Variants in SLC16A12 observed in about 807,000 individuals in gnomAD.
SLC16A12 encodes the protein solute carrier family 16 member 12.
SLC16A12 carries 17 observed loss-of-function variants against 42.4 expected under a neutral mutation model. The observed-to-expected ratio is 0.40, with a 90% CI of 0.27 to 0.60. The LOEUF (loss-of-function observed/expected upper bound fraction) is 0.60, where lower values mean the gene tolerates loss of function less well. SLC16A12 is among the 20% of genes least tolerant of loss of function. The probability of loss-of-function intolerance (pLI) is 0.42; values close to 1 mark genes in which losing one functional copy is unlikely to be tolerated. For synonymous variants in SLC16A12, 224 were observed against 229.4 expected (o/e 0.98, Z 0.21); for missense variants, 544 against 623.0 (o/e 0.87, Z 1.35).
At chr10:89,491,309 T>C (rs1647446505) in intron 2 of SLC16A12, among the ~76,000 whole-genome samples, 1 of 152,060 alleles carries the variant, frequency 6.6e-6, no homozygotes, top group Admixed American at 6.6e-5. Flanking sequence ...GCAAAAGAGA[T>C]ATACTACATG....
At chr10:89,457,075 C>A (rs1015155853) in intron 3 of SLC16A12, among the ~76,000 whole-genome samples, 1 of 152,068 alleles carries the variant, frequency 6.6e-6, no homozygotes, top group Admixed American at 6.5e-5. Flanking sequence ...GGTATATACC[C>A]CGTAATGGGA....
intron 2 of SLC16A12, among the ~76,000 whole-genome samples, chr10:89,485,133 A>G (rs1053525803): frequency 1.3e-5 from 2 of 152,182 alleles, no homozygotes; most frequent in Non-Finnish European, 2.9e-5. Context: ...GTTGTCAACA[A>G]TGGCCAATTT....
intron 2 of SLC16A12, among the ~76,000 whole-genome samples, chr10:89,547,521 C>T (rs1021068987): frequency 6.6e-6 from 1 of 152,032 alleles, no homozygotes; most frequent in Non-Finnish European, 1.5e-5. Context: ...AGACATGGTT[C>T]CTGCCTTCAC....
chr10:89,451,437 GT>G (rs972774272), intron 3 of SLC16A12, among the ~76,000 whole-genome samples: 2 of 151,788 alleles, frequency 1.3e-5, no homozygotes, highest in African/African-American at 4.8e-5. Flanking sequence ...TTGAAACAGA[GT>G]TTTACTCCTG....
At chr10:89,509,626 C>T (rs1843130953) in intron 2 of SLC16A12, among the ~76,000 whole-genome samples, 1 of 152,156 alleles carries the variant, frequency 6.6e-6, no homozygotes, top group East Asian at 1.9e-4. Flanking sequence ...AAACCTACAG[C>T]CAATATCATA....
At chr10:89,442,212 T>C (rs1157852600) in intron 4 of SLC16A12, among the ~76,000 whole-genome samples, 2 of 152,228 alleles carry the variant, frequency 1.3e-5, no homozygotes, top group African/African-American at 4.8e-5. Context: ...ACAGAGCAGA[T>C]CTGTTCCCAG....
At chr10:89,439,206 G>A in intron 5 of SLC16A12, 23 bp from the exon 6 acceptor site, 2 of 1,602,620 alleles carry the variant, frequency 1.2e-6, no homozygotes, top group Non-Finnish European at 1.7e-6. Context: ...AGAACTCTAT[G>A]AGTGCTGAAG....
chr10:89,447,989 A>G (rs1217507680), intron 3 of SLC16A12, among the ~76,000 whole-genome samples: 1 of 152,010 alleles, frequency 6.6e-6, no homozygotes, highest in African/African-American at 2.4e-5. Context: ...AAACACCTCT[A>G]TGCAAATAAA....
At chr10:89,506,831 A>T (rs1280562415) in intron 2 of SLC16A12, among the ~76,000 whole-genome samples, 2 of 152,150 alleles carry the variant, frequency 1.3e-5, no homozygotes, top group African/African-American at 2.4e-5. Flanking sequence ...AACCTTGAAA[A>T]AAGGTTGGAC....
intron 3 of SLC16A12, among the ~76,000 whole-genome samples, chr10:89,447,677 C>G (rs1842026757): frequency 6.6e-6 from 1 of 152,098 alleles, no homozygotes; most frequent in South Asian, 2.1e-4. Flanking sequence ...AATCGACACC[C>G]TAACATCACA....
At chr10:89,481,664 T>TGAGA (rs1554829318) in intron 2 of SLC16A12, among the ~76,000 whole-genome samples, 2,273 of 139,536 alleles carry the variant, frequency 0.016, 36 homozygotes, top group African/African-American at 0.042. Flanking sequence ...TGTGTGTGTG[T>TGAGA]GAGAGAGAGA....
chr10:89,447,999 A>G (rs1842031317), intron 3 of SLC16A12, among the ~76,000 whole-genome samples: 2 of 151,570 alleles, frequency 1.3e-5, no homozygotes, highest in South Asian at 4.1e-4. Context: ...ATGCAAATAA[A>G]CTAGAAAATC....
intron 2 of SLC16A12, among the ~76,000 whole-genome samples, chr10:89,527,639 C>CAA (rs144252240): frequency 0.028 from 3,953 of 143,728 alleles, 184 homozygotes; most frequent in African/African-American, 0.094. Context: ...TCCATTTCTA[C>CAA]AAAAAAAAAA....
intron 2 of SLC16A12, among the ~76,000 whole-genome samples, chr10:89,511,301 T>A (rs1267105441): frequency 1.3e-5 from 2 of 152,206 alleles, no homozygotes; most frequent in Admixed American, 6.5e-5. Flanking sequence ...TGCAGCACTA[T>A]TCACAATAGC....
intron 2 of SLC16A12, among the ~76,000 whole-genome samples, chr10:89,493,268 G>C (rs566100989): frequency 6.7e-6 from 1 of 150,220 alleles, no homozygotes; most frequent in South Asian, 2.1e-4. Flanking sequence ...TGTTGCCCAG[G>C]CTGGAGTGCA....
At chr10:89,510,499 T>C (rs1843146476) in intron 2 of SLC16A12, among the ~76,000 whole-genome samples, 1 of 152,062 alleles carries the variant, frequency 6.6e-6, no homozygotes, top group South Asian at 2.1e-4. Context: ...ATTCCCTATT[T>C]AAATGGTGCT....
In SLC16A12 at chr10:89,555,436, G is replaced by A. The variant is rs567873554; in HGVS notation, c.-47+446C>T. ...GGTACAAACACAGTTAGGCTTTTGGGTTTCATGTTTATTTCTACAGAAAGG... is the reference window on the plus strand; with the variant it reads ...GGTACAAACACAGTTAGGCTTTTGGATTTCATGTTTATTTCTACAGAAAGG... On this transcript the variant is annotated intron_variant, in intron 2 of 2. Coordinates refer to the SLC16A12 transcript ENST00000475682. Among the ~76,000 whole-genome samples, 14 of 123,246 alleles carry A rather than the reference G, an allele frequency of 1.1e-4. No individual in the cohort carries two copies. The East Asian group carries it at 1.7e-3, about 15-fold the overall frequency. 80.9% of individuals were successfully genotyped at this position (123,246 alleles called of 152,430 possible).
chr10:89,521,247 C>A (rs1404171653), intron 2 of SLC16A12, among the ~76,000 whole-genome samples: 1 of 152,194 alleles, frequency 6.6e-6, no homozygotes, highest in Non-Finnish European at 1.5e-5. Flanking sequence ...TGATCCCAGT[C>A]CCAACAAAGC....
chr10:89,473,402 T>C (rs1195977412), intron 2 of SLC16A12, among the ~76,000 whole-genome samples: 1 of 152,176 alleles, frequency 6.6e-6, no homozygotes, highest in Non-Finnish European at 1.5e-5. Context: ...ACTCCATTTA[T>C]ACCAAACCTA....
Sources: gnomAD v4.1 joint callset for allele counts (sites outside exome capture counted in the v4.1 genomes callset) on GRCh38, gnomAD v4.1.1 for gene constraint, MANE v1.5 for transcripts, NCBI Gene and HGNC (gene_info 2026-07-23, HGNC 2026-07-21) for gene names.